Variants in PXDNL observed in about 807,000 individuals in gnomAD.
The protein encoded by PXDNL is peroxidasin like, also known as probable oxidoreductase PXDNL.
Under a neutral mutation model 150.8 loss-of-function variants are expected in PXDNL, and 145 were observed. That is an observed-to-expected ratio of 0.96 (90% CI 0.84 to 1.10). The LOEUF (loss-of-function observed/expected upper bound fraction) is 1.10, where lower values mean the gene tolerates loss of function less well. PXDNL is among the 50% of genes least tolerant of loss of function. PXDNL has a pLI of 0.00. For synonymous variants in PXDNL, 757 were observed against 725.7 expected, an observed-to-expected ratio of 1.04 and a Z score of -0.69; for missense variants, 2,087 against 1,873.9, an observed-to-expected ratio of 1.11 and a Z score of -2.10.
intron 4 of PXDNL, among the ~76,000 whole-genome samples, chr8:51,506,119 A>G (rs1041177828): frequency 6.6e-6 from 1 of 152,246 alleles, no homozygotes; most frequent in Non-Finnish European, 1.5e-5. Flanking sequence ...GCTAAAGTCA[A>G]TAACAGTGTA....
At chr8:51,757,161 G>A (rs990939070) in intron 1 of PXDNL, among the ~76,000 whole-genome samples, 6 of 152,052 alleles carry the variant, frequency 3.9e-5, no homozygotes, top group Non-Finnish European at 8.8e-5. Flanking sequence ...AGGTGGTCTT[G>A]AAGATTGGCT....
intron 3 of PXDNL, among the ~76,000 whole-genome samples, chr8:51,577,923 AAAAGAAAGAAAGAAAGAAAGAAAGAAAG>A (rs1234489822): frequency 1.1e-3 from 45 of 42,390 alleles, no homozygotes; most frequent in Non-Finnish European, 1.7e-3. Context: ...GAAAAGAAAG[AAAAGAAAGAAAGAAAGAAAGAAAGAAAG>A]AAAGAAAGAA....
At chr8:51,514,109 G>A (rs921281310) in intron 4 of PXDNL, among the ~76,000 whole-genome samples, 1 of 152,212 alleles carries the variant, frequency 6.6e-6, no homozygotes, top group African/African-American at 2.4e-5. Context: ...CCTCACTGAG[G>A]AAGTTGGTTG....
intron 17 of PXDNL, among the ~76,000 whole-genome samples, chr8:51,398,673 C>T (rs2977010): frequency 0.8 from 121,682 of 152,120 alleles, 48,798 homozygotes; most frequent in East Asian, 0.87. Context: ...TTTCTACATT[C>T]CCACCCAAAT....
Position 51,409,041 on chromosome 8 carries a change from G to T in PXDNL, c.2583C>A (p.Leu861=). 1 of 1,610,370 alleles carries T rather than the reference G, an allele frequency of 6.2e-7. No individual in the cohort carries two copies. Among genetic ancestry groups the T allele is most frequent in the South Asian group, 1.1e-5 (1 of 91,020 alleles). ...DPRGTHAPCM[L]FARSSPACAS... ...CACACGCGGGGCTGGAGCGCGCGAA[G>T]AGCATGCAGGGCGCGTGGGTGCCCC... The change falls in exon 17 of 23, where the codon CTC becomes CTA. Residue 861 remains leucine, a synonymous_variant. Coordinates refer to ENST00000356297, the MANE Select transcript of PXDNL (RefSeq NM_144651.5).
chr8:51,422,314 C>T (rs1016886091), intron 14 of PXDNL, among the ~76,000 whole-genome samples: 1 of 152,112 alleles, frequency 6.6e-6, no homozygotes, highest in Non-Finnish European at 1.5e-5. Context: ...GCCATCTCCC[C>T]ACCCCGGTCA....
intron 1 of PXDNL, among the ~76,000 whole-genome samples, chr8:51,698,666 A>G (rs556452679): frequency 6.6e-6 from 1 of 152,318 alleles, no homozygotes; most frequent in South Asian, 2.1e-4. Context: ...TCTTAACATT[A>G]TCTAAAATGG....
intron 2 of PXDNL, among the ~76,000 whole-genome samples, chr8:51,650,710 A>T (rs190174593): frequency 9.2e-5 from 14 of 152,362 alleles, no homozygotes; most frequent in Non-Finnish European, 1.6e-4. Context: ...GAGATAAATT[A>T]GTCTATTAGC....
At chr8:51,541,253 T>TAAAAAAAAAAA (rs5891421) in intron 4 of PXDNL, among the ~76,000 whole-genome samples, 3 of 127,230 alleles carry the variant, frequency 2.4e-5, no homozygotes, top group Admixed American at 7.7e-5. Flanking sequence ...TGAGACTCCA[T>TAAAAAAAAAAA]AAAAAAAAAA....
chr8:51,729,336 G>T (rs939083017), intron 1 of PXDNL, among the ~76,000 whole-genome samples: 3 of 152,042 alleles, frequency 2.0e-5, no homozygotes, highest in Admixed American at 1.3e-4. Context: ...CAAAAAATGG[G>T]TAAAAGCCCC....
chr8:51,690,504 A>C (rs1056970514), intron 1 of PXDNL, among the ~76,000 whole-genome samples: 2 of 152,026 alleles, frequency 1.3e-5, no homozygotes, highest in Non-Finnish European at 2.9e-5. Flanking sequence ...TGAACTCATC[A>C]TTTGTTATGG....
rs776249595 is a variant in PXDNL, at chr8:51,371,873, C to T, written c.3901G>A (p.Asp1301Asn). ...TCGTGCTCATTGCATTATTACTGAC[C>T]TGCACAGCAGTCTTGCCACACTCGC... Reference protein sequence around the residue: ...DLRVWQDCCADCRSRGQFRAV... With the variant: ...DLRVWQDCCANCRSRGQFRAV... Residue 1301 changes from aspartate (D) to asparagine (N), a missense_variant and splice_region_variant, in exon 19 of 23, where the codon GAC (aspartate) becomes AAC (asparagine). By Grantham distance (23) the Asp-to-Asn change is conservative. Coordinates refer to ENST00000356297, the MANE Select transcript of PXDNL (RefSeq NM_144651.5). The T allele has an allele frequency of 1.8e-5, 29 of 1,612,982 alleles. No individual in the cohort carries two copies. In the African/African-American group the frequency reaches 2.8e-4, roughly 16 times the overall value.
chr8:51,509,739 TATAC>T (rs764124618), intron 4 of PXDNL, among the ~76,000 whole-genome samples: 38 of 106,214 alleles, frequency 3.6e-4, no homozygotes, highest in African/African-American at 6.9e-4. Flanking sequence ...TATATACATA[TATAC>T]ACACACACAC....
rs549617061 is a variant in PXDNL at position 51,703,772 on chromosome 8, A to G, written c.165-49012T>C. On this transcript the variant is annotated intron_variant, in intron 1 of 22. Transcript: ENST00000356297. ...TGTTCATACATTTTAAAGAATAAGC[A>G]ATTTAAATGCAGCATGATTAAAAAT... Among the ~76,000 whole-genome samples the G allele has an allele frequency of 3.9e-5, 6 of 152,362 alleles. No homozygotes were observed. In the East Asian group the frequency reaches 1.2e-3, roughly 29 times the overall value.
At chr8:51,592,565 C>T (rs1023289410) in intron 3 of PXDNL, 62 bp downstream of exon 3, 9 of 1,123,536 alleles carry the variant, frequency 8.0e-6, no homozygotes, top group African/African-American at 3.2e-5. Flanking sequence ...TAAACACACA[C>T]AAAAAAGGCA....
intron 1 of PXDNL, among the ~76,000 whole-genome samples, chr8:51,725,906 C>G (rs1374527004): frequency 1.3e-5 from 2 of 152,196 alleles, no homozygotes; most frequent in African/African-American, 4.8e-5. Flanking sequence ...CTTCATTAGG[C>G]TTAAGTGTGA....
chr8:51,338,198 A>T (rs934876927), intron 21 of PXDNL, among the ~76,000 whole-genome samples: 3 of 151,686 alleles, frequency 2.0e-5, no homozygotes, highest in African/African-American at 7.3e-5. Flanking sequence ...AAAAAAAAAA[A>T]AAAAGGGAAA....
At chr8:51,345,308 G>A (rs1421380997) in intron 20 of PXDNL, among the ~76,000 whole-genome samples, 1 of 152,130 alleles carries the variant, frequency 6.6e-6, no homozygotes, top group Admixed American at 6.5e-5. Flanking sequence ...TTTGTATCAA[G>A]CTAATATACA....
Position 51,409,420 on chromosome 8 carries a change from T to C in PXDNL, c.2204A>G (p.Asn735Ser). ...GCCCCACGTGGGCTGCTGCAGGTTG[T>C]TGCACGTGCCGTCGTGGGCGCGGTA... The part of the protein sequence containing the change: ...AKYRAHDGTC[N>S]NLQQPTWGAA... Residue 735 changes from asparagine to serine, a missense_variant, in exon 17 of 23, where the codon AAC becomes AGC. Physicochemically the swap from Asn to Ser is conservative, Grantham distance 46. Coordinates refer to ENST00000356297, the MANE Select transcript of PXDNL (RefSeq NM_144651.5). 6.2e-7 allele frequency: 1 copy of C among 1,612,058 alleles called. No individual in the cohort carries two copies.
Sources: gnomAD v4.1 joint callset for allele counts (sites outside exome capture counted in the v4.1 genomes callset) on GRCh38, gnomAD v4.1.1 for gene constraint, MANE v1.5 for transcripts, NCBI Gene and HGNC (gene_info 2026-07-23, HGNC 2026-07-21) for gene names.